The following NBAS variants were observed in gnomAD, a reference collection of about 807,000 sequenced individuals.
The protein encoded by NBAS is NAG/BC035112 fusion.
NBAS carries 219 observed loss-of-function variants against 302.5 expected under a neutral mutation model. The ratio of observed to expected loss-of-function variants is 0.72; its 90% CI spans 0.65 to 0.81. The LOEUF is 0.81. Ranked by LOEUF, NBAS falls within the 30% of genes least tolerant of loss-of-function variation. The pLI is 0.00. For missense variants in NBAS, 2,932 were observed against 2,841.6 expected, an observed-to-expected ratio of 1.03 and a Z score of -0.72; for synonymous variants, 1,118 against 1,021.6, an observed-to-expected ratio of 1.09 and a Z score of -1.80.
intron 3 of NBAS, among the ~76,000 whole-genome samples, chr2:15,554,947 A>G (rs912991021): frequency 5.3e-5 from 8 of 152,318 alleles, no homozygotes; most frequent in South Asian, 2.1e-4. Flanking sequence ...ACTACTCATC[A>G]TAAGTGAGTA....
the NBAS span, among the ~76,000 whole-genome samples, chr2:14,973,112 G>A: frequency 1.3e-5 from 2 of 152,096 alleles, no homozygotes; most frequent in African/African-American, 4.8e-5. Flanking sequence ...GTGACTGATC[G>A]CAACATAAAG....
intron 11 of NBAS, among the ~76,000 whole-genome samples, chr2:15,502,481 A>G (rs764213726): frequency 6.6e-6 from 1 of 152,234 alleles, no homozygotes; most frequent in African/African-American, 2.4e-5. Context: ...CTACGCACCT[A>G]GGCTGGGTGG....
chr2:15,154,814 A>G, the NBAS span, among the ~76,000 whole-genome samples: 23 of 152,176 alleles, frequency 1.5e-4, no homozygotes, highest in African/African-American at 5.1e-4. Context: ...ACGTGAGGCT[A>G]TAGGTGAGTG....
intron 5 of NBAS, among the ~76,000 whole-genome samples, chr2:15,552,226 C>T (rs1664417120): frequency 6.6e-6 from 1 of 152,096 alleles, no homozygotes; most frequent in African/African-American, 2.4e-5. Flanking sequence ...ATCAAAAAAA[C>T]TGGTATGGTC....
At chr2:15,439,673 G>A (rs185735529) in intron 21 of NBAS, among the ~76,000 whole-genome samples, 24 of 152,228 alleles carry the variant, frequency 1.6e-4, no homozygotes, top group African/African-American at 4.3e-4. Context: ...TGGGTGCAGC[G>A]CGCCGTGCAC....
chr2:15,099,816 C>T, the NBAS span, among the ~76,000 whole-genome samples: 1 of 151,900 alleles, frequency 6.6e-6, no homozygotes, highest in African/African-American at 2.4e-5. Flanking sequence ...TCTCATTTTT[C>T]CTGCCACAGT....
chr2:15,127,678 G>A, the NBAS span, among the ~76,000 whole-genome samples: 10 of 152,176 alleles, frequency 6.6e-5, no homozygotes, highest in South Asian at 4.1e-4. Context: ...AATCACTCAC[G>A]CCTACCCTTT....
chr2:15,515,240 G>GAA (rs34918509), intron 9 of NBAS, among the ~76,000 whole-genome samples: 50 of 149,394 alleles, frequency 3.3e-4, no homozygotes, highest in African/African-American at 4.7e-4. Flanking sequence ...CTCTAAAACA[G>GAA]AAAAAAAAAA....
the NBAS span, among the ~76,000 whole-genome samples, chr2:15,149,193 G>A: frequency 2.0e-5 from 3 of 152,172 alleles, no homozygotes; most frequent in Non-Finnish European, 4.4e-5. Context: ...TGTTACCACA[G>A]GAGTGGGCTT....
At chr2:15,009,257 T>C in the NBAS span, among the ~76,000 whole-genome samples, 2 of 152,130 alleles carry the variant, frequency 1.3e-5, no homozygotes, top group Non-Finnish European at 2.9e-5. Flanking sequence ...TGGTAATCTA[T>C]CCAAAGCAAT....
chr2:15,330,833 A>AT, intron 35 of NBAS, 68 bp from the exon 36 acceptor site: 3 of 1,505,008 alleles, frequency 2.0e-6, no homozygotes, highest in Non-Finnish European at 2.7e-6. Flanking sequence ...GACAGTGATA[A>AT]TGTGACTGCT....
At chr2:15,524,798 A>AT (rs58928230) in intron 9 of NBAS, among the ~76,000 whole-genome samples, 9,385 of 146,024 alleles carry the variant, frequency 0.064, 871 homozygotes, top group African/African-American at 0.21. Context: ...CTAGGTATGC[A>AT]TTTTTTTTTT....
At chr2:15,184,406 T>C (rs1558417801) in intron 50 of NBAS, among the ~76,000 whole-genome samples, 2 of 152,022 alleles carry the variant, frequency 1.3e-5, no homozygotes, top group East Asian at 3.9e-4. Context: ...CACCATAATA[T>C]AGAATCAGTG....
At chr2:14,780,016 G>A in the NBAS span, among the ~76,000 whole-genome samples, 5 of 152,086 alleles carry the variant, frequency 3.3e-5, no homozygotes, top group Admixed American at 6.6e-5. Flanking sequence ...TGGGACCCCC[G>A]ATCTTAACCC....
At chr2:14,994,415 C>T in the NBAS span, among the ~76,000 whole-genome samples, 1 of 152,198 alleles carries the variant, frequency 6.6e-6, no homozygotes, top group Non-Finnish European at 1.5e-5. Context: ...CCTCAAAGCC[C>T]AGCAGGTGCC....
chr2:15,178,022 G>T (rs1664632160), intron 51 of NBAS: 3 of 362,570 alleles, frequency 8.3e-6, no homozygotes, highest in South Asian at 6.9e-5. Flanking sequence ...ACTATTTACA[G>T]AATTTTCTGT....
chr2:15,483,380 G>GA, intron 12 of NBAS: 1 of 422,956 alleles, frequency 2.4e-6, no homozygotes, highest in Non-Finnish European at 4.9e-6. Context: ...TACTATGTGT[G>GA]AAAAAGAAAA....
the NBAS span, among the ~76,000 whole-genome samples, chr2:14,906,112 C>T: frequency 1.3e-5 from 2 of 151,914 alleles, no homozygotes; most frequent in East Asian, 1.9e-4. Context: ...GCAGCAGCAG[C>T]AGTAGTAGTA....
intron 29 of NBAS, among the ~76,000 whole-genome samples, chr2:15,382,216 C>A (rs1675072940): frequency 6.6e-6 from 1 of 152,150 alleles, no homozygotes; most frequent in Non-Finnish European, 1.5e-5. Flanking sequence ...CGCGTGCACG[C>A]ACACACCCAC....
Sources: gnomAD v4.1 joint callset for allele counts (sites outside exome capture counted in the v4.1 genomes callset) on GRCh38, gnomAD v4.1.1 for gene constraint, MANE v1.5 for transcripts, NCBI Gene and HGNC (gene_info 2026-07-23, HGNC 2026-07-21) for gene names.